Variants in SEMA6D observed in about 807,000 individuals in gnomAD.
The protein encoded by SEMA6D is semaphorin-6D.
SEMA6D carries 35 observed loss-of-function variants against 106.6 expected under a neutral mutation model. That is an observed-to-expected ratio of 0.33 (90% CI 0.25 to 0.44). The LOEUF (loss-of-function observed/expected upper bound fraction) is 0.44, where lower values mean the gene tolerates loss of function less well. Ranked by LOEUF, SEMA6D falls within the 20% of genes least tolerant of loss-of-function variation. The probability of loss-of-function intolerance (pLI) is 1.00; values close to 1 mark genes in which losing one functional copy is unlikely to be tolerated. For synonymous variants in SEMA6D, 499 were observed against 487.7 expected (o/e 1.02, Z -0.31); for missense variants, 1,185 against 1,345.9 (o/e 0.88, Z 1.87).
chr15:47,400,773 A>G (rs765769537), intron 1 of SEMA6D, among the ~76,000 whole-genome samples: 13 of 152,248 alleles, frequency 8.5e-5, no homozygotes, highest in African/African-American at 2.9e-4. Context: ...TAAAGCACAC[A>G]TACTGGCTTA....
At chr15:47,671,355 T>C (rs139097924) in intron 4 of SEMA6D, among the ~76,000 whole-genome samples, 89 of 152,302 alleles carry the variant, frequency 5.8e-4, no homozygotes, top group Admixed American at 1.4e-3. Flanking sequence ...TAGTGTTTGT[T>C]CCTGTTGGCA....
chr15:47,505,060 T>C (rs2043994995), intron 3 of SEMA6D, among the ~76,000 whole-genome samples: 1 of 151,998 alleles, frequency 6.6e-6, no homozygotes, highest in African/African-American at 2.4e-5. Flanking sequence ...TGTGGCTGTT[T>C]GCGGAAGTGG....
intron 1 of SEMA6D, among the ~76,000 whole-genome samples, chr15:47,393,917 G>A (rs923814988): frequency 6.6e-6 from 1 of 152,124 alleles, no homozygotes; most frequent in Non-Finnish European, 1.5e-5. Flanking sequence ...TTATGGAGAA[G>A]GTATAATTAA....
At chr15:47,509,310 G>A (rs766991914) in intron 3 of SEMA6D, among the ~76,000 whole-genome samples, 49 of 152,258 alleles carry the variant, frequency 3.2e-4, no homozygotes, top group Middle Eastern at 3.4e-3. Context: ...TGCTTACTCA[G>A]ATAAACTCCA....
At chr15:47,571,122 A>G (rs1362672472) in intron 3 of SEMA6D, among the ~76,000 whole-genome samples, 1 of 152,074 alleles carries the variant, frequency 6.6e-6, no homozygotes, top group Non-Finnish European at 1.5e-5. Context: ...CTCAGTCTTT[A>G]TCTTACACGT....
At chr15:47,223,047 C>T (rs1171235748) in intron 1 of SEMA6D, among the ~76,000 whole-genome samples, 1 of 152,290 alleles carries the variant, frequency 6.6e-6, no homozygotes, top group East Asian at 1.9e-4. Context: ...TGCTTACTGA[C>T]TGGGCCATGA....
chr15:47,620,999 T>A lies in SEMA6D; in HGVS notation c.-55+20103T>A, dbSNP rs184840862. ...TGAAGAAGAAGAACACACAGGGTGA[T>A]ATGAAAAAAAAACCCTGTGTTGCAT... On this transcript the variant is annotated intron_variant, in intron 4 of 19. Transcript: ENST00000558014. 5.5e-4 allele frequency among the ~76,000 whole-genome samples: 83 copies of A among 151,930 alleles called. No individual in the cohort carries two copies. The Middle Eastern group carries it at 0.02, about 37-fold the overall frequency.
intron 4 of SEMA6D, among the ~76,000 whole-genome samples, chr15:47,621,485 G>A (rs1004386098): frequency 2.0e-5 from 3 of 152,040 alleles, no homozygotes; most frequent in Non-Finnish European, 4.4e-5. Context: ...CTAAACCTGT[G>A]CAAAGAGAGC....
At chr15:47,397,866 G>GA (rs1397818772) in intron 1 of SEMA6D, 2 of 152,030 alleles carry the variant, frequency 1.3e-5, no homozygotes, top group African/African-American at 4.8e-5. Flanking sequence ...TTTTCCTCTG[G>GA]AAAAATTTCC....
chr15:47,260,110 G>C (rs2034002600), intron 1 of SEMA6D, among the ~76,000 whole-genome samples: 2 of 151,638 alleles, frequency 1.3e-5, no homozygotes, highest in South Asian at 4.2e-4. Context: ...TTTGTTTCAA[G>C]AGAGTTTATA....
At chr15:47,277,253 A>T (rs553985320) in intron 1 of SEMA6D, among the ~76,000 whole-genome samples, 1 of 152,284 alleles carries the variant, frequency 6.6e-6, no homozygotes, top group South Asian at 2.1e-4. Context: ...ACAGTTAACA[A>T]AGCAGTGGCA....
intron 1 of SEMA6D, among the ~76,000 whole-genome samples, chr15:47,200,311 G>A (rs551361354): frequency 6.6e-6 from 1 of 152,204 alleles, no homozygotes; most frequent in South Asian, 2.1e-4. Context: ...TGTGAAAAGT[G>A]TTACAAGACT....
intron 2 of SEMA6D, among the ~76,000 whole-genome samples, chr15:47,466,325 C>G (rs184603603): frequency 6.6e-6 from 1 of 152,292 alleles, no homozygotes; most frequent in East Asian, 1.9e-4. Context: ...CTCCCACCCT[C>G]TAGCCTGTAG....
At chr15:47,686,115 G>T (rs745780215) in intron 4 of SEMA6D, among the ~76,000 whole-genome samples, 3 of 152,128 alleles carry the variant, frequency 2.0e-5, no homozygotes, top group Non-Finnish European at 4.4e-5. Context: ...ATGCATTCCT[G>T]TGCAGTGGCA....
intron 4 of SEMA6D, among the ~76,000 whole-genome samples, chr15:47,701,772 A>G (rs1327270431): frequency 6.6e-6 from 1 of 152,204 alleles, no homozygotes; most frequent in Non-Finnish European, 1.5e-5. Context: ...GTGATGATAT[A>G]TCCCCTTCCA....
chr15:47,730,565 C>T (rs912494285), intron 1 of SEMA6D: 3 of 1,423,316 alleles, frequency 2.1e-6, no homozygotes, highest in Middle Eastern at 2.4e-4. Flanking sequence ...GGGGACATCC[C>T]CTTTGCCAGC....
chr15:47,647,718 G>GC (rs1470412064), intron 4 of SEMA6D, among the ~76,000 whole-genome samples: 2 of 134,758 alleles, frequency 1.5e-5, no homozygotes, highest in South Asian at 2.4e-4. Context: ...TCAATTGTGG[G>GC]CAAAAAAAAA....
intron 1 of SEMA6D, among the ~76,000 whole-genome samples, chr15:47,314,577 G>A (rs62000201): frequency 2.3e-5 from 2 of 87,332 alleles, no homozygotes; most frequent in African/African-American, 6.9e-5. Flanking sequence ...CAGCCTGGGC[G>A]ACAGAGCGAG....
At chr15:47,426,239 A>G (rs1174165930) in intron 2 of SEMA6D, among the ~76,000 whole-genome samples, 1 of 152,104 alleles carries the variant, frequency 6.6e-6, no homozygotes. Flanking sequence ...GCCTAGGTTC[A>G]AGCGATACTC....
Sources: allele counts gnomAD v4.1 joint callset (sites outside exome capture counted in the v4.1 genomes callset), GRCh38; gene constraint gnomAD v4.1.1; transcripts MANE v1.5; gene names NCBI Gene and HGNC (gene_info 2026-07-23, HGNC 2026-07-21).